Variants in MAP2K6 observed in about 807,000 individuals in gnomAD.
The protein encoded by MAP2K6 is mitogen-activated protein kinase kinase 6, also known as dual specificity mitogen-activated protein kinase kinase 6.
Under a neutral mutation model 53.7 loss-of-function variants are expected in MAP2K6, and 16 were observed. The ratio of observed to expected loss-of-function variants is 0.30; its 90% CI spans 0.20 to 0.45. The LOEUF is 0.45. Among genes scored for constraint, MAP2K6 ranks in the 20% least tolerant of loss-of-function variants. The pLI is 1.00. For missense variants in MAP2K6, 204 were observed against 411.9 expected (o/e 0.50, Z 4.37); for synonymous variants, 132 against 143.1 (o/e 0.92, Z 0.55).
intron 1 of MAP2K6, among the ~76,000 whole-genome samples, chr17:69,483,562 G>A (rs1240887214): frequency 1.3e-5 from 2 of 152,030 alleles, no homozygotes; most frequent in Non-Finnish European, 2.9e-5. Context: ...ATTCTCATGA[G>A]AATTTCAGCT....
intron 1 of MAP2K6, among the ~76,000 whole-genome samples, chr17:69,476,574 G>A (rs927950294): frequency 1.3e-5 from 2 of 152,106 alleles, no homozygotes. Context: ...ATGTTGTGTG[G>A]GATACTACAC....
intron 1 of MAP2K6, among the ~76,000 whole-genome samples, chr17:69,475,121 C>T (rs1454850000): frequency 3.3e-5 from 5 of 150,808 alleles, no homozygotes; most frequent in Admixed American, 3.3e-4. Flanking sequence ...GTTTAAGTTC[C>T]TGGAAACCTC....
intron 10 of MAP2K6, among the ~76,000 whole-genome samples, chr17:69,534,430 C>G (rs1265648900): frequency 8.5e-5 from 13 of 152,128 alleles, no homozygotes; most frequent in Non-Finnish European, 7.4e-5. Flanking sequence ...GCCCTCAGTT[C>G]CAGGTTGAAA....
chr17:69,460,473 A>G (rs1033097018), intron 1 of MAP2K6, among the ~76,000 whole-genome samples: 2 of 152,182 alleles, frequency 1.3e-5, no homozygotes, highest in African/African-American at 4.8e-5. Context: ...TGGGATTTTA[A>G]TGTGGGAAGT....
At chr17:69,501,130 T>C (rs980563848) in intron 1 of MAP2K6, among the ~76,000 whole-genome samples, 7 of 152,192 alleles carry the variant, frequency 4.6e-5, no homozygotes, top group African/African-American at 1.7e-4. Flanking sequence ...GGAAATCCCA[T>C]TCATATTGGG....
chr17:69,421,906 C>T (rs1490133284), intron 1 of MAP2K6, among the ~76,000 whole-genome samples: 1 of 151,814 alleles, frequency 6.6e-6, no homozygotes, highest in Admixed American at 6.6e-5. Flanking sequence ...CAAGGATCAC[C>T]TCCCAGTGAA....
chr17:69,467,990 T>G (rs925414498), intron 1 of MAP2K6, among the ~76,000 whole-genome samples: 1 of 152,194 alleles, frequency 6.6e-6, no homozygotes, highest in Non-Finnish European at 1.5e-5. Flanking sequence ...GGTCTCGAAC[T>G]CCTGACCTCA....
intron 2 of MAP2K6, among the ~76,000 whole-genome samples, chr17:69,513,464 T>C (rs1408059838): frequency 6.6e-6 from 1 of 152,206 alleles, no homozygotes; most frequent in Admixed American, 6.5e-5. Context: ...ACCCAGCTTT[T>C]CTGGGTTTCA....
At chr17:69,418,166 G>A (rs8082399) in intron 1 of MAP2K6, among the ~76,000 whole-genome samples, 5,837 of 152,172 alleles carry the variant, frequency 0.038, 199 homozygotes, top group East Asian at 0.13. Context: ...TTATAACCCC[G>A]TACATCTCAG....
At chr17:69,431,573 C>T (rs374794999) in intron 1 of MAP2K6, among the ~76,000 whole-genome samples, 4 of 152,094 alleles carry the variant, frequency 2.6e-5, no homozygotes, top group Admixed American at 6.6e-5. Flanking sequence ...TAAGAGTCTG[C>T]GTTAAGGAGA....
intron 10 of MAP2K6, among the ~76,000 whole-genome samples, chr17:69,533,650 T>C (rs1911201977): frequency 6.6e-6 from 1 of 152,190 alleles, no homozygotes; most frequent in African/African-American, 2.4e-5. Flanking sequence ...CTTAGCGTGT[T>C]ACATTGTTCC....
intron 1 of MAP2K6, among the ~76,000 whole-genome samples, chr17:69,469,529 C>T (rs1316379094): frequency 6.6e-6 from 1 of 151,934 alleles, no homozygotes; most frequent in Admixed American, 6.6e-5. Context: ...TTTGGGAGGC[C>T]GAGGTGGGCG....
intron 1 of MAP2K6, among the ~76,000 whole-genome samples, chr17:69,491,494 G>T (rs890358279): frequency 6.6e-6 from 1 of 152,046 alleles, no homozygotes; most frequent in Non-Finnish European, 1.5e-5. Flanking sequence ...TTGATTCCAC[G>T]TCTCTGCTAT....
At chr17:69,493,404 G>A (rs367698359) in intron 1 of MAP2K6, among the ~76,000 whole-genome samples, 1 of 152,072 alleles carries the variant, frequency 6.6e-6, no homozygotes, top group African/African-American at 2.4e-5. Flanking sequence ...ATAAAAACGA[G>A]CAGATGACTT....
chr17:69,501,303 G>A (rs187278153), intron 1 of MAP2K6, among the ~76,000 whole-genome samples: 4 of 152,236 alleles, frequency 2.6e-5, no homozygotes, highest in Admixed American at 2.0e-4. Context: ...TGTTGACCGC[G>A]TGGGCTTCTC....
intron 1 of MAP2K6, among the ~76,000 whole-genome samples, chr17:69,429,889 G>A (rs1035056774): frequency 1.3e-5 from 2 of 152,198 alleles, no homozygotes; most frequent in African/African-American, 2.4e-5. Flanking sequence ...GGTGAAGCTG[G>A]GGTGTGGGGC....
chr17:69,463,614 C>A (rs145250774), intron 1 of MAP2K6, among the ~76,000 whole-genome samples: 2,285 of 149,042 alleles, frequency 0.015, 20 homozygotes, highest in South Asian at 0.029. Flanking sequence ...CTCTCTCTCT[C>A]TCTATATATA....
chr17:69,416,452 A>C (rs1209710501), intron 1 of MAP2K6, among the ~76,000 whole-genome samples: 1 of 152,206 alleles, frequency 6.6e-6, no homozygotes, highest in African/African-American at 2.4e-5. Context: ...AATAGTTCAG[A>C]AGAGGCAGTC....
Position 69,515,578 on chromosome 17 carries a change from C to T in MAP2K6, c.84-1277C>T, listed in dbSNP as rs149405111. Among the ~76,000 whole-genome samples, 51 of 152,296 alleles carry T rather than the reference C, an allele frequency of 3.3e-4. No homozygotes were observed. In the East Asian group the frequency reaches 9.4e-3, roughly 28 times the overall value. On this transcript the variant is annotated intron_variant, in intron 2 of 11. Transcript: ENST00000590474. ...TTTTCTCTTAAGTAGATTGATACCA[C>T]CTGAGAGATCATTGAAGTGGTAGAA...
Sources: gnomAD v4.1 joint callset for allele counts (sites outside exome capture counted in the v4.1 genomes callset) on GRCh38, gnomAD v4.1.1 for gene constraint, MANE v1.5 for transcripts, NCBI Gene and HGNC (gene_info 2026-07-23, HGNC 2026-07-21) for gene names.